Variants in WDR49 observed in about 807,000 individuals in gnomAD.
WDR49 encodes the protein WD repeat domain 49.
Under a neutral mutation model 119.5 loss-of-function variants are expected in WDR49, and 107 were observed. The observed-to-expected ratio is 0.90, with a 90% CI of 0.77 to 1.05. The LOEUF is 1.05. Ranked by LOEUF, WDR49 falls within the 50% of genes least tolerant of loss-of-function variation. The pLI, the probability that WDR49 is intolerant of heterozygous loss-of-function variation, is 0.00. For synonymous variants in WDR49, 425 were observed against 418.8 expected (o/e 1.01, Z -0.18); for missense variants, 1,240 against 1,220.5 (o/e 1.02, Z -0.24).
intron 2 of WDR49, among the ~76,000 whole-genome samples, chr3:167,633,840 CA>C (rs1474436241): frequency 6.6e-6 from 1 of 151,866 alleles, no homozygotes; most frequent in Non-Finnish European, 1.5e-5. Flanking sequence ...CATGAAGTAC[CA>C]ATAAGATTGT....
intron 12 of WDR49, 88 bp downstream of exon 12, chr3:167,532,791 G>A: frequency 1.2e-6 from 1 of 825,588 alleles, no homozygotes; most frequent in Non-Finnish European, 1.9e-6. Context: ...TATAATTTAG[G>A]ATCAAGTCGC....
At chr3:167,512,997 G>A (rs762019738) in intron 16 of WDR49, among the ~76,000 whole-genome samples, 4 of 152,216 alleles carry the variant, frequency 2.6e-5, no homozygotes, top group Middle Eastern at 3.4e-3. Flanking sequence ...TGCAAGAGAC[G>A]GAGAGAATGG....
chr3:167,631,647 T>C (rs1681608695), intron 2 of WDR49, among the ~76,000 whole-genome samples: 1 of 152,078 alleles, frequency 6.6e-6, no homozygotes, highest in African/African-American at 2.4e-5. Flanking sequence ...TCCCACCACA[T>C]CGAAGCGAGA....
At chr3:167,559,335 G>A in intron 9 of WDR49, among the ~76,000 whole-genome samples, 1 of 152,102 alleles carries the variant, frequency 6.6e-6, no homozygotes, top group East Asian at 1.9e-4. Context: ...GCCTCAAAAT[G>A]GCACAAGCCA....
chr3:167,530,428 C>T (rs1752805507), intron 13 of WDR49, among the ~76,000 whole-genome samples: 1 of 152,044 alleles, frequency 6.6e-6, no homozygotes, highest in Non-Finnish European at 1.5e-5. Flanking sequence ...GCTGCATCAA[C>T]ACCATGCTAA....
chr3:167,585,619 GA>G (rs1310669484), intron 7 of WDR49, among the ~76,000 whole-genome samples: 2 of 151,550 alleles, frequency 1.3e-5, no homozygotes, highest in Non-Finnish European at 2.9e-5. Context: ...GCAAATTGTA[GA>G]AAAAATATGT....
intron 16 of WDR49, among the ~76,000 whole-genome samples, chr3:167,508,599 C>T (rs1348046657): frequency 6.6e-6 from 1 of 152,116 alleles, no homozygotes; most frequent in South Asian, 2.1e-4. Flanking sequence ...CTAACACCCC[C>T]CTACAGCAAG....
chr3:167,545,509 T>TTATATATATATATATATATATATA (rs141981277), intron 10 of WDR49, among the ~76,000 whole-genome samples: 5 of 108,264 alleles, frequency 4.6e-5, no homozygotes, highest in African/African-American at 9.8e-5. Flanking sequence ...ATATTATATA[T>TTATATATATATATATATATATATA]TATATATATA....
intron 3 of WDR49, among the ~76,000 whole-genome samples, chr3:167,625,365 T>A (rs2108325807): frequency 6.6e-6 from 1 of 152,084 alleles, no homozygotes; most frequent in Non-Finnish European, 1.5e-5. Context: ...AAATAAAAAA[T>A]TTTAAACCCA....
upstream of WDR49, among the ~76,000 whole-genome samples, chr3:167,657,812 G>A (rs146265211): frequency 2.2e-3 from 342 of 152,246 alleles, 5 homozygotes; most frequent in Admixed American, 0.017. Flanking sequence ...AGAAAGAAAG[G>A]ATGTTTTTCC....
chr3:167,618,160 C>T (rs1289956823), intron 5 of WDR49, among the ~76,000 whole-genome samples: 1 of 152,122 alleles, frequency 6.6e-6, no homozygotes, highest in Non-Finnish European at 1.5e-5. Context: ...CCTTCAAGTA[C>T]CACCACTGAT....
intron 5 of WDR49, among the ~76,000 whole-genome samples, 165 bp from the exon 6 acceptor site, chr3:167,604,633 C>G (rs765217554): frequency 2.6e-5 from 4 of 152,140 alleles, no homozygotes. Flanking sequence ...CCACCTCCCA[C>G]AAAAGAATTC....
intron 18 of WDR49, among the ~76,000 whole-genome samples, chr3:167,488,729 T>C (rs1475779440): frequency 6.6e-6 from 1 of 152,040 alleles, no homozygotes; most frequent in East Asian, 1.9e-4. Flanking sequence ...CACATTCCTC[T>C]TTAAATCCTC....
At position 167,604,385 on chromosome 3, in the gene WDR49, A is replaced by G. The variant is rs1215935457; in HGVS notation, c.1042T>C (p.Ser348Pro). 12 of 1,613,574 alleles carry G rather than the reference A, an allele frequency of 7.4e-6. No homozygotes were observed. The highest frequency in any genetic ancestry group is 1.0e-5 in the Non-Finnish European group (12 of 1,179,852). The change falls in exon 6 of 19, where the codon TCA (serine) becomes CCA (proline). Residue 348 changes from serine (S) to proline (P), a missense_variant. By Grantham distance (74) the Ser-to-Pro change is moderately conservative. Transcript: ENST00000682715. ...GATGTCATATTAAGACGCTTTTTTG[A>G]TTTCTCTCTCCAAGCCATCACCACA... is the stretch of plus-strand genomic sequence containing the variant. ...NSVVMAWREK[S>P]KKRLNMTSFN...
Position 167,500,197 on chromosome 3 carries a change from T to A in WDR49, c.2987A>T (p.Glu996Val). ...DPEKYFRKEP[E>V]EERPQILEAP... ...CTCCAGAATTTGGGGACGCTCTTCCTCTGGTTCTTTCCTAAAGTATTTCTC... is the reference window on the plus strand; with the variant it reads ...CTCCAGAATTTGGGGACGCTCTTCCACTGGTTCTTTCCTAAAGTATTTCTC... Residue 996 changes from glutamate (E) to valine (V), a missense_variant, in exon 18 of 19, where the codon GAG (glutamate) becomes GTG (valine). Glu to Val is a moderately radical substitution (Grantham distance 121, BLOSUM62 -2). Transcript: ENST00000682715. 1 of 1,588,076 alleles carries A rather than the reference T, an allele frequency of 6.3e-7. No individual in the cohort carries two copies. Among genetic ancestry groups the A allele is most frequent in the Non-Finnish European group, 8.5e-7 (1 of 1,172,708 alleles).
chr3:167,647,501 A>G (rs890834532), intron 2 of WDR49, among the ~76,000 whole-genome samples: 16 of 152,206 alleles, frequency 1.1e-4, no homozygotes, highest in African/African-American at 3.9e-4. Flanking sequence ...GCCATTTGCT[A>G]GCATTATTCA....
intron 18 of WDR49, among the ~76,000 whole-genome samples, chr3:167,493,572 T>G (rs1181370509): frequency 1.3e-5 from 2 of 152,192 alleles, no homozygotes; most frequent in Non-Finnish European, 2.9e-5. Context: ...TCTTCCTTGG[T>G]CAATATATCT....
At chr3:167,578,642 A>G (rs1219068432) in intron 7 of WDR49, among the ~76,000 whole-genome samples, 2 of 152,148 alleles carry the variant, frequency 1.3e-5, no homozygotes, top group Admixed American at 6.6e-5. Context: ...CTAATTTAAC[A>G]CTATCTGTAA....
chr3:167,576,741 A>T (rs1577251276), intron 7 of WDR49, among the ~76,000 whole-genome samples: 1 of 152,224 alleles, frequency 6.6e-6, no homozygotes, highest in Non-Finnish European at 1.5e-5. Flanking sequence ...GATGAGACTC[A>T]TGTCAAATTC....
Sources: allele counts gnomAD v4.1 joint callset (sites outside exome capture counted in the v4.1 genomes callset), GRCh38; gene constraint gnomAD v4.1.1; transcripts MANE v1.5; gene names NCBI Gene and HGNC (gene_info 2026-07-23, HGNC 2026-07-21).